Variants in MICAL2 observed in about 807,000 individuals in gnomAD.
MICAL2 encodes microtubule associated monooxygenase, calponin and LIM domain containing 2.
Under a neutral mutation model 127.3 loss-of-function variants are expected in MICAL2, and 77 were observed. That is an observed-to-expected ratio of 0.60 (90% CI 0.50 to 0.73). MICAL2 has a LOEUF of 0.73. Ranked by LOEUF, MICAL2 falls within the 30% of genes least tolerant of loss-of-function variation. The pLI, the probability that MICAL2 is intolerant of heterozygous loss-of-function variation, is 0.00. For synonymous variants in MICAL2, 570 were observed against 551.1 expected (o/e 1.03, Z -0.48); for missense variants, 1,351 against 1,434.4 (o/e 0.94, Z 0.94).
intron 17 of MICAL2, among the ~76,000 whole-genome samples, chr11:12,240,668 G>A (rs1324551743): frequency 1.3e-5 from 2 of 152,190 alleles, no homozygotes; most frequent in African/African-American, 4.8e-5. Flanking sequence ...TCCTTGAGTG[G>A]GCAGGAAGCT....
intron 23 of MICAL2, 39 bp downstream of exon 23, chr11:12,255,789 GGC>G: frequency 6.5e-7 from 1 of 1,549,252 alleles, no homozygotes; most frequent in Non-Finnish European, 8.8e-7. Flanking sequence ...CACAGACACT[GGC>G]TCTGGCATCC....
intron 32 of MICAL2, among the ~76,000 whole-genome samples, chr11:12,343,863 A>G (rs1410749293): frequency 6.6e-6 from 1 of 152,238 alleles, no homozygotes; most frequent in Admixed American, 6.5e-5. Flanking sequence ...TTAAACAAAT[A>G]TCTAGAAGGG....
intron 1 of MICAL2, among the ~76,000 whole-genome samples, chr11:12,113,447 G>A (rs1210324496): frequency 6.6e-6 from 1 of 152,242 alleles, no homozygotes; most frequent in African/African-American, 2.4e-5. Flanking sequence ...AGTGCAGTTT[G>A]AGTGTGGAGA....
intron 16 of MICAL2, among the ~76,000 whole-genome samples, chr11:12,239,187 A>C (rs562265557): frequency 6.6e-6 from 1 of 152,354 alleles, no homozygotes; most frequent in East Asian, 1.9e-4. Context: ...GGGATAAGAA[A>C]TGAGAGTCGG....
chr11:12,254,194 A>G (rs996003955), intron 22 of MICAL2: 2 of 152,220 alleles, frequency 1.3e-5, no homozygotes, highest in Non-Finnish European at 2.9e-5. Context: ...ATTTCCGACC[A>G]TATCACAATA....
At chr11:12,270,327 G>T (rs1156743202) in intron 24 of MICAL2, among the ~76,000 whole-genome samples, 1 of 152,166 alleles carries the variant, frequency 6.6e-6, no homozygotes, top group African/African-American at 2.4e-5. Context: ...CGTATCCCTT[G>T]CAAACTACAT....
At chr11:12,317,015 T>C (rs1198940144) in intron 29 of MICAL2, among the ~76,000 whole-genome samples, 2 of 152,228 alleles carry the variant, frequency 1.3e-5, no homozygotes, top group Non-Finnish European at 2.9e-5. Flanking sequence ...TTGTTTAGGC[T>C]ACAACTTTCC....
chr11:12,124,944 C>A (rs78351741), intron 1 of MICAL2, among the ~76,000 whole-genome samples: 36 of 152,360 alleles, frequency 2.4e-4, no homozygotes, highest in African/African-American at 8.4e-4. Context: ...TGGTCACTAA[C>A]CCATTCCACC....
intron 3 of MICAL2, among the ~76,000 whole-genome samples, chr11:12,190,919 G>T (rs1484997157): frequency 6.6e-6 from 1 of 152,218 alleles, no homozygotes; most frequent in Non-Finnish European, 1.5e-5. Flanking sequence ...TATATGTAAA[G>T]CCCCAAGACA....
At chr11:12,260,840 C>T (rs1863018788) in intron 26 of MICAL2, 1 of 985,402 alleles carries the variant, frequency 1.0e-6, no homozygotes, top group Non-Finnish European at 1.2e-6. Context: ...AAGGCTTTCC[C>T]CCCCATACCA....
intron 29 of MICAL2, chr11:12,319,572 G>A (rs1286014225): frequency 1.5e-6 from 1 of 688,742 alleles, no homozygotes; most frequent in Non-Finnish European, 2.5e-6. Flanking sequence ...CACGGCAGGT[G>A]CAGTGAGGGG....
At chr11:12,161,037 C>G (rs150806632) in intron 2 of MICAL2, among the ~76,000 whole-genome samples, 66 of 152,344 alleles carry the variant, frequency 4.3e-4, no homozygotes, top group African/African-American at 1.5e-3. Flanking sequence ...CAGGCCTCAT[C>G]GGTGGAGCTC....
At chr11:12,167,474 G>T (rs1855652592) in intron 3 of MICAL2, among the ~76,000 whole-genome samples, 1 of 152,108 alleles carries the variant, frequency 6.6e-6, no homozygotes, top group South Asian at 2.1e-4. Context: ...GGATGTTAGG[G>T]GTGGAAGGGG....
intron 30 of MICAL2, among the ~76,000 whole-genome samples, chr11:12,323,231 A>T (rs1233866231): frequency 6.6e-6 from 1 of 152,224 alleles, no homozygotes; most frequent in African/African-American, 2.4e-5. Flanking sequence ...TTTTTTAACA[A>T]GCACAGGTAC....
intron 22 of MICAL2, among the ~76,000 whole-genome samples, chr11:12,249,692 C>CT (rs1456133383): frequency 3.3e-5 from 5 of 152,356 alleles, no homozygotes; most frequent in African/African-American, 1.2e-4. Flanking sequence ...TCTGCTCTCA[C>CT]TGCTGCCTTA....
chr11:12,353,891 C>A (rs1939091290), intron 33 of MICAL2, among the ~76,000 whole-genome samples: 1 of 152,116 alleles, frequency 6.6e-6, no homozygotes, highest in Non-Finnish European at 1.5e-5. Flanking sequence ...TTCTCATGTA[C>A]CACAGTCAGA....
At chr11:12,141,335 G>C (rs1418223871) in intron 2 of MICAL2, among the ~76,000 whole-genome samples, 2 of 152,106 alleles carry the variant, frequency 1.3e-5, no homozygotes, top group Non-Finnish European at 2.9e-5. Context: ...GAGGTTTGGT[G>C]GTATCTTAAA....
At chr11:12,138,357 C>G (rs150181763) in intron 1 of MICAL2, 33 bp from the exon 2 acceptor site, 2 of 152,348 alleles carry the variant, frequency 1.3e-5, no homozygotes, top group Non-Finnish European at 2.9e-5. Context: ...GATGATGTCA[C>G]TGACATTAAT....
intron 3 of MICAL2, among the ~76,000 whole-genome samples, chr11:12,166,504 T>C (rs1855525331): frequency 6.6e-6 from 1 of 152,254 alleles, no homozygotes; most frequent in Non-Finnish European, 1.5e-5. Flanking sequence ...AGCTACTATG[T>C]GTCAGGCATT....
Sources: allele counts gnomAD v4.1 joint callset (sites outside exome capture counted in the v4.1 genomes callset), GRCh38; gene constraint gnomAD v4.1.1; transcripts MANE v1.5; gene names NCBI Gene and HGNC (gene_info 2026-07-23, HGNC 2026-07-21).